The following SDHA variants were observed in gnomAD, a reference collection of about 807,000 sequenced individuals.
SDHA encodes succinate dehydrogenase complex flavoprotein subunit A.
In SDHA, 48 loss-of-function variants were observed where a neutral mutation model predicts 78.4. The ratio of observed to expected loss-of-function variants is 0.61; its 90% CI spans 0.49 to 0.78. SDHA has a LOEUF of 0.78. Ranked by LOEUF, SDHA falls within the 30% of genes least tolerant of loss-of-function variation. The probability of loss-of-function intolerance (pLI) is 0.00; values close to 1 mark genes in which losing one functional copy is unlikely to be tolerated. For missense variants in SDHA, 680 were observed against 892.7 expected (o/e 0.76, Z 3.04); for synonymous variants, 326 against 353.9 (o/e 0.92, Z 0.88).
At chr5:263,875 A>T in the SDHA span, among the ~76,000 whole-genome samples, 1 of 152,064 alleles carries the variant, frequency 6.6e-6, no homozygotes. Context: ...AACTCTGGCA[A>T]AAAAATGAAA....
chr5:232,211 T>C (rs1487153924), intron 7 of SDHA, among the ~76,000 whole-genome samples: 1 of 151,242 alleles, frequency 6.6e-6, no homozygotes, highest in Non-Finnish European at 1.5e-5. Context: ...GTTGTAGTGT[T>C]TTTTTTTTAT....
intron 9 of SDHA, chr5:235,706 G>A (rs1427482320): frequency 5.5e-5 from 20 of 360,882 alleles, no homozygotes; most frequent in South Asian, 4.2e-4. Flanking sequence ...CTTGTTGGGC[G>A]AGGTGGGTGG....
chr5:258,420 T>A (rs1266523432), downstream of SDHA, among the ~76,000 whole-genome samples: 1 of 105,864 alleles, frequency 9.4e-6, no homozygotes, highest in Non-Finnish European at 1.7e-5. Context: ...GAGCTCCGCC[T>A]CCTGTCAGAG....
chr5:230,735 G>T, intron 6 of SDHA, 141 bp from the exon 7 acceptor site: 2 of 1,057,426 alleles, frequency 1.9e-6, no homozygotes, highest in Non-Finnish European at 2.9e-6. Flanking sequence ...ATATGTGTGG[G>T]GTGTGCGTGA....
At position 230,923 on chromosome 5, in the gene SDHA, C is replaced by T. The variant is rs587781720; in HGVS notation, c.818C>T (p.Thr273Ile). ...AGCTGCACGTCTGCCCACACCAGCA[C>T]TGGCGACGGCACGGCCATGATCACC... ...YFSCTSAHTS[T>I]GDGTAMITRA... is the part of the protein sequence containing the mutation. The change falls in exon 7 of 15, where the codon ACT becomes ATT. Residue 273 changes from threonine to isoleucine, a missense_variant. By Grantham distance (89) the Thr-to-Ile change is moderately conservative. Coordinates refer to ENST00000264932, the MANE Select transcript of SDHA (RefSeq NM_004168.4). 12 of 1,613,930 alleles carry T rather than the reference C, an allele frequency of 7.4e-6. No individual in the cohort carries two copies. The highest frequency in any genetic ancestry group is 3.3e-5 in the Admixed American group (2 of 60,002).
intron 5 of SDHA, among the ~76,000 whole-genome samples, chr5:227,280 G>T (rs1418372058): frequency 6.6e-6 from 1 of 152,238 alleles, no homozygotes; most frequent in Non-Finnish European, 1.5e-5. Flanking sequence ...AAAGTGCTGG[G>T]ATTGCAGGCG....
intron 11 of SDHA, chr5:249,062 A>G (rs1736651913): frequency 2.4e-6 from 1 of 420,872 alleles, no homozygotes; most frequent in African/African-American, 2.1e-5. Context: ...AAATTGAAAG[A>G]ACAGATATTT....
At chr5:236,378 G>GT (rs750632458) in intron 9 of SDHA, 50 bp from the exon 10 acceptor site, 1 of 1,575,570 alleles carries the variant, frequency 6.3e-7, no homozygotes, top group African/African-American at 1.3e-5. Context: ...AGGTGGGCTG[G>GT]TGGAGGCATG....
chr5:229,724 C>T (rs1383596934), intron 6 of SDHA, among the ~76,000 whole-genome samples: 1 of 152,200 alleles, frequency 6.6e-6, no homozygotes, highest in Non-Finnish European at 1.5e-5. Flanking sequence ...TAACATTATA[C>T]AGCATGGTGG....
intron 6 of SDHA, among the ~76,000 whole-genome samples, chr5:230,381 C>T (rs552306073): frequency 1.3e-4 from 20 of 152,314 alleles, no homozygotes; most frequent in Non-Finnish European, 7.3e-5. Flanking sequence ...AATCCCGGCA[C>T]TTTGGGAGGC....
rs185008646 is a variant in SDHA, at chr5:245,377, C to T, written c.1551+4901C>T. 5.8e-3 allele frequency among the ~76,000 whole-genome samples: 886 copies of T among 152,224 alleles called. 6 individuals carry two copies. Among genetic ancestry groups the T allele is most frequent in the Non-Finnish European group, 0.01 (690 of 68,010 alleles). The stretch of plus-strand genomic sequence containing the variant: ...CCCCTTAGCTGAGCAAGACTGTGAA[C>T]GGTTTGCATTTACAATTCGTGCAGT... On this transcript the variant is annotated intron_variant, in intron 11 of 14. Coordinates refer to ENST00000264932, the MANE Select transcript of SDHA (RefSeq NM_004168.4).
At chr5:238,473 C>G in intron 10 of SDHA, among the ~76,000 whole-genome samples, 1 of 150,978 alleles carries the variant, frequency 6.6e-6, no homozygotes, top group Non-Finnish European at 1.5e-5. Context: ...AGATAGTCTC[C>G]CTCTGTCGCC....
At chr5:244,624 C>T (rs939613725) in intron 11 of SDHA, among the ~76,000 whole-genome samples, 18 of 152,264 alleles carry the variant, frequency 1.2e-4, no homozygotes, top group Non-Finnish European at 2.1e-4. Context: ...GATGCAGGAG[C>T]GGACATTTCA....
At chr5:255,912 C>T (rs1349959994) in intron 14 of SDHA, among the ~76,000 whole-genome samples, 1 of 152,190 alleles carries the variant, frequency 6.6e-6, no homozygotes, top group Non-Finnish European at 1.5e-5. Flanking sequence ...ATCCTTGGGA[C>T]CAGAAGCGTT....
rs1395387473 is a variant in SDHA, at chr5:251,038, A to G, written c.1598A>G (p.Gln533Arg). The change falls in exon 12 of 15, where the codon CAA (glutamine) becomes CGA (arginine). Residue 533 changes from glutamine (Q) to arginine (R), a missense_variant. By Grantham distance (43) the Gln-to-Arg change is conservative. Coordinates refer to ENST00000264932, the MANE Select transcript of SDHA (RefSeq NM_004168.4). ...AAVFRVGSVL[Q>R]EGCGKISKLY... is the part of the protein sequence containing the mutation. ...GTGTTCCGTGTGGGAAGCGTGTTGC[A>G]AGAAGGTTGTGGGAAAATCAGCAAG... The G allele has an allele frequency of 6.2e-7, 1 of 1,611,902 alleles. No individual in the cohort carries two copies. Among genetic ancestry groups the G allele is most frequent in the African/African-American group, 1.3e-5 (1 of 74,856 alleles).
chr5:227,683 T>C (rs1476101551), intron 5 of SDHA: 3 of 222,608 alleles, frequency 1.3e-5, no homozygotes, highest in Non-Finnish European at 2.7e-5. Flanking sequence ...CTTTCTGCGG[T>C]GCCGGAATCT....
At chr5:239,190 GTATTACC>G (rs1561000549) in intron 10 of SDHA, among the ~76,000 whole-genome samples, 1 of 150,036 alleles carries the variant, frequency 6.7e-6, no homozygotes, top group Non-Finnish European at 1.5e-5. Context: ...CCTCCTGCAT[GTATTACC>G]TGTTGAAGAA....
At chr5:252,708 C>T (rs1736924578) in intron 13 of SDHA, among the ~76,000 whole-genome samples, 1 of 151,510 alleles carries the variant, frequency 6.6e-6, no homozygotes, top group Non-Finnish European at 1.5e-5. Flanking sequence ...TCAAGCCTGC[C>T]CTGTGGAGGA....
chr5:261,862 C>T, downstream of SDHA, among the ~76,000 whole-genome samples: 1 of 13,008 alleles, frequency 7.7e-5, no homozygotes, highest in Non-Finnish European at 1.7e-4. Context: ...GTGTGAGCTC[C>T]GCCTCCCGTC....
Sources: gnomAD v4.1 joint callset for allele counts (sites outside exome capture counted in the v4.1 genomes callset) on GRCh38, gnomAD v4.1.1 for gene constraint, MANE v1.5 for transcripts, NCBI Gene and HGNC (gene_info 2026-07-23, HGNC 2026-07-21) for gene names.